NCAM1: variants seen among roughly 807,000 people sequenced by gnomAD.
The protein encoded by NCAM1 is neural cell adhesion molecule 1, also known as antigen recognized by monoclonal antibody 5.1H11.
In NCAM1, 14 loss-of-function variants were observed where a neutral mutation model predicts 109.8. The observed-to-expected ratio is 0.13, with a 90% CI of 0.08 to 0.20. The LOEUF is 0.20. NCAM1 is among the 10% of genes least tolerant of loss of function. NCAM1 has a pLI of 1.00. For missense variants in NCAM1, 774 were observed against 1,109.9 expected, an observed-to-expected ratio of 0.70 and a Z score of 4.30; for synonymous variants, 418 against 442.9, an observed-to-expected ratio of 0.94 and a Z score of 0.70.
intron 1 of NCAM1, among the ~76,000 whole-genome samples, chr11:113,017,273 C>G (rs1952230234): frequency 6.6e-6 from 1 of 152,162 alleles, no homozygotes; most frequent in Admixed American, 6.5e-5. Flanking sequence ...AAAAATAAAA[C>G]AGTTATTATA....
intron 7 of NCAM1, among the ~76,000 whole-genome samples, chr11:113,209,129 G>C (rs546881992): frequency 1.3e-5 from 2 of 152,326 alleles, no homozygotes; most frequent in African/African-American, 4.8e-5. Context: ...CTGGTCTACT[G>C]TAGACAGCAC....
At chr11:113,062,872 G>A (rs1157238452) in intron 1 of NCAM1, among the ~76,000 whole-genome samples, 2 of 152,140 alleles carry the variant, frequency 1.3e-5, no homozygotes, top group African/African-American at 4.8e-5. Flanking sequence ...GGAGGCTGAA[G>A]TGGGAGGTCC....
chr11:113,137,098 T>C (rs943361007), intron 1 of NCAM1, among the ~76,000 whole-genome samples: 1 of 152,142 alleles, frequency 6.6e-6, no homozygotes, highest in African/African-American at 2.4e-5. Context: ...CTTAAAGTAG[T>C]CCTAAAGCAG....
At chr11:113,057,336 T>G (rs1387311801) in intron 1 of NCAM1, among the ~76,000 whole-genome samples, 1 of 150,672 alleles carries the variant, frequency 6.6e-6, no homozygotes, top group Non-Finnish European at 1.5e-5. Context: ...AGTGAGATAG[T>G]GAGGGATGAC....
chr11:113,194,233 C>T (rs1232854267), intron 1 of NCAM1, among the ~76,000 whole-genome samples: 1 of 152,068 alleles, frequency 6.6e-6, no homozygotes, highest in Admixed American at 6.6e-5. Flanking sequence ...ATCCAGGGCT[C>T]GGTTGTGAAG....
At chr11:113,090,292 G>C (rs978137883) in intron 1 of NCAM1, among the ~76,000 whole-genome samples, 1 of 152,148 alleles carries the variant, frequency 6.6e-6, no homozygotes, top group Non-Finnish European at 1.5e-5. Flanking sequence ...ATTACTTAGA[G>C]TATTACTGAC....
chr11:113,178,116 TC>T (rs1555107382), intron 1 of NCAM1, among the ~76,000 whole-genome samples: 2 of 152,086 alleles, frequency 1.3e-5, no homozygotes, highest in Non-Finnish European at 2.9e-5. Flanking sequence ...GCAAATACGG[TC>T]CCAACATTAC....
intron 1 of NCAM1, among the ~76,000 whole-genome samples, chr11:113,050,171 A>G (rs1171150059): frequency 6.6e-6 from 1 of 152,064 alleles, no homozygotes; most frequent in Non-Finnish European, 1.5e-5. Context: ...AAGAGAATTA[A>G]TGACTGAGGA....
chr11:113,169,512 A>G (rs1227739656), intron 1 of NCAM1, among the ~76,000 whole-genome samples: 1 of 152,102 alleles, frequency 6.6e-6, no homozygotes, highest in East Asian at 1.9e-4. Context: ...CAATTCCCTG[A>G]TTATTGTTTA....
rs782655234 is a variant in NCAM1, at chr11:113,232,147, A to T, written c.1241-23A>T. The T allele has an allele frequency of 7.0e-6, 11 of 1,560,888 alleles. No individual in the cohort carries two copies. The South Asian group carries it at 1.4e-4, about 19-fold the overall frequency. On this transcript the variant is annotated intron_variant, in intron 10 of 19. Coordinates refer to ENST00000316851, the MANE Select transcript of NCAM1 (RefSeq NM_181351.5). ...CTTCATAATCATGGCAGTCATCCTG[A>T]CAGTCATTGTTATTTATTGCAGATG...
At chr11:113,230,083 TAAAAAA>T (rs569839034) in intron 9 of NCAM1, among the ~76,000 whole-genome samples, 1 of 144,696 alleles carries the variant, frequency 6.9e-6, no homozygotes, top group Non-Finnish European at 1.5e-5. Flanking sequence ...AAAGTATAAT[TAAAAAA>T]AAAAAGAAAA....
intron 3 of NCAM1, among the ~76,000 whole-genome samples, chr11:113,204,913 C>G (rs1345760043): frequency 6.6e-6 from 1 of 152,166 alleles, no homozygotes; most frequent in African/African-American, 2.4e-5. Flanking sequence ...CAGGCAGTTC[C>G]TATTGCCTCT....
At chr11:113,099,529 G>A (rs782593649) in intron 1 of NCAM1, among the ~76,000 whole-genome samples, 1 of 152,096 alleles carries the variant, frequency 6.6e-6, no homozygotes. Flanking sequence ...AGGAATGTGC[G>A]TTAACAACAA....
At chr11:112,964,040 T>TA (rs1565351526) in intron 1 of NCAM1, among the ~76,000 whole-genome samples, 12 of 151,714 alleles carry the variant, frequency 7.9e-5, no homozygotes, top group South Asian at 4.2e-4. Flanking sequence ...TAGTTTTTTT[T>TA]TAAAAAAATC....
At position 113,264,219 on chromosome 11, in the gene NCAM1, C is replaced by A. The variant is rs1390330712; in HGVS notation, c.2131+3896C>A. The A allele has an allele frequency of 8.1e-6, 8 of 984,816 alleles. No individual in the cohort carries two copies. In the South Asian group the frequency reaches 3.3e-4, roughly 41 times the overall value. The allele number at this position is 984,816 out of a possible 1,614,324, so 61.0% of individuals were successfully genotyped here. On this transcript the variant is annotated intron_variant, in intron 17 of 19. Coordinates refer to ENST00000316851, the MANE Select transcript of NCAM1 (RefSeq NM_181351.5). ...TCTCCATGGAAGCTTGATTTTTGTTCTTTTTGGTTTCTTTATGTATTTTTT... is the reference window on the plus strand; with the variant it reads ...TCTCCATGGAAGCTTGATTTTTGTTATTTTTGGTTTCTTTATGTATTTTTT...
chr11:113,098,954 G>A (rs1438775303), intron 1 of NCAM1, among the ~76,000 whole-genome samples: 2 of 152,232 alleles, frequency 1.3e-5, no homozygotes, highest in African/African-American at 2.4e-5. Flanking sequence ...TTGTTTACAA[G>A]AACTATTATG....
intron 1 of NCAM1, among the ~76,000 whole-genome samples, chr11:113,084,597 T>G (rs1046407768): frequency 2.0e-5 from 3 of 152,210 alleles, no homozygotes; most frequent in African/African-American, 4.8e-5. Context: ...TGGGTTCTTA[T>G]GTACCATGAA....
chr11:113,163,577 C>A (rs1158519776), intron 1 of NCAM1, among the ~76,000 whole-genome samples: 2 of 152,182 alleles, frequency 1.3e-5, no homozygotes, highest in East Asian at 3.9e-4. Context: ...AATGGTAATA[C>A]TCTGAAAGGA....
rs370263046 is a variant in NCAM1, at chr11:113,063,577, T to A, written c.52+101913T>A. Among the ~76,000 whole-genome samples, 5 of 152,286 alleles carry A rather than the reference T, an allele frequency of 3.3e-5. No individual in the cohort carries two copies. In the East Asian group the frequency reaches 7.7e-4, roughly 24 times the overall value. On this transcript the variant is annotated intron_variant, in intron 1 of 19. Coordinates refer to ENST00000316851, the MANE Select transcript of NCAM1 (RefSeq NM_181351.5). Reference sequence around the variant, plus strand: ...ACTGCTTCATTTCAAGATGCCCAGTTCTCATGGCACTGAGGAGGCACACCG... The same window carrying A: ...ACTGCTTCATTTCAAGATGCCCAGTACTCATGGCACTGAGGAGGCACACCG...
Sources: gnomAD v4.1 joint callset for allele counts (sites outside exome capture counted in the v4.1 genomes callset) on GRCh38, gnomAD v4.1.1 for gene constraint, MANE v1.5 for transcripts, NCBI Gene and HGNC (gene_info 2026-07-23, HGNC 2026-07-21) for gene names.